Variants in GYPE observed in about 807,000 individuals in gnomAD.
GYPE encodes the protein glycophorin-E.
A neutral mutation model predicts 11.6 loss-of-function variants in GYPE; 8 were observed. That is an observed-to-expected ratio of 0.69 (90% CI 0.41 to 1.25). The LOEUF is 1.25. GYPE is among the 50% of genes most tolerant of loss of function. GYPE has a pLI of 0.01. For missense variants in GYPE, 90 were observed against 92.8 expected (o/e 0.97, Z 0.12); for synonymous variants, 28 against 29.6 (o/e 0.94, Z 0.18).
In GYPE at chr4:143,898,021, T is replaced by G. The variant is rs189248410; in HGVS notation, c.37+7450A>C. Among the ~76,000 whole-genome samples, 179 of 151,506 alleles carry G rather than the reference T, an allele frequency of 1.2e-3. 1 individual carries two copies. The highest frequency in any genetic ancestry group is 4.2e-3 in the African/African-American group (172 of 41,306). On this transcript the variant is annotated intron_variant, in intron 1 of 3. Transcript: ENST00000358615. ...AAGATGCTAAATGTCAGTTGTGAAT[T>G]AATGAATTCATATGGATTATGGTTT...
chr4:143,876,674 A>C, intron 3 of GYPE, 72 bp downstream of exon 3: 1 of 756,158 alleles, frequency 1.3e-6, no homozygotes, highest in Non-Finnish European at 2.4e-6. Flanking sequence ...GTTTAACTGA[A>C]CTCAGAGGAA....
intron 1 of GYPE, among the ~76,000 whole-genome samples, chr4:143,881,973 A>G (rs1490773626): frequency 6.6e-6 from 1 of 152,142 alleles, no homozygotes; most frequent in Admixed American, 6.5e-5. Flanking sequence ...TAGTCTACTC[A>G]AGGAAAGAGT....
intron 2 of GYPE, 116 bp from the exon 3 acceptor site, chr4:143,876,971 A>G: frequency 1.4e-6 from 1 of 697,170 alleles, no homozygotes; most frequent in Non-Finnish European, 2.7e-6. Flanking sequence ...TAGAAAGTAC[A>G]ATTAATATAC....
chr4:143,873,066 A>T (rs1473506670), intron 3 of GYPE, among the ~76,000 whole-genome samples: 1 of 152,208 alleles, frequency 6.6e-6, no homozygotes, highest in Non-Finnish European at 1.5e-5. Context: ...ATAAAAAACA[A>T]GAGTAGAGAC....
chr4:143,881,002 T>C (rs1578957966), intron 1 of GYPE, among the ~76,000 whole-genome samples: 1 of 152,306 alleles, frequency 6.6e-6, no homozygotes, highest in South Asian at 2.1e-4. Context: ...ATAATAATTA[T>C]ATAGAACAAA....
At chr4:143,904,356 T>A (rs896351559) in intron 1 of GYPE, among the ~76,000 whole-genome samples, 10 of 152,308 alleles carry the variant, frequency 6.6e-5, no homozygotes, top group African/African-American at 2.4e-4. Flanking sequence ...TGTTTAATCT[T>A]TACGCAATTA....
At chr4:143,881,932 A>G (rs1744035778) in intron 1 of GYPE, among the ~76,000 whole-genome samples, 2 of 152,168 alleles carry the variant, frequency 1.3e-5, no homozygotes, top group Admixed American at 1.3e-4. Context: ...GCACACAAAC[A>G]ACAGAAAACA....
intron 1 of GYPE, among the ~76,000 whole-genome samples, chr4:143,884,020 C>T (rs979516786): frequency 3.9e-5 from 6 of 151,954 alleles, no homozygotes; most frequent in Admixed American, 6.6e-5. Context: ...GAGGGTGCTG[C>T]AATTTTCTTT....
chr4:143,873,598 G>T (rs1392943935), intron 3 of GYPE: 1 of 378,452 alleles, frequency 2.6e-6, no homozygotes, highest in Non-Finnish European at 5.2e-6. Flanking sequence ...CCATCTGGAA[G>T]AGACCCAGAT....
chr4:143,875,631 T>C (rs1743767233), intron 3 of GYPE: 3 of 1,474,414 alleles, frequency 2.0e-6, no homozygotes, highest in Non-Finnish European at 2.8e-6. Context: ...TGGAGGCTTC[T>C]AAAGGGTACC....
In GYPE at chr4:143,905,358, A is replaced by G. The variant is rs1745018387; in HGVS notation, c.37+113T>C. ...TCCATCCACCAGACTGGAAGAGGAA[A>G]TACTACTCATTTATGCATTTAAATA... On this transcript the variant is annotated intron_variant, in intron 1 of 3. Transcript: ENST00000358615. 2.6e-6 allele frequency: 4 copies of G among 1,526,878 alleles called. No homozygotes were observed. The South Asian group carries it at 4.9e-5, about 19-fold the overall frequency. The allele number at this position is 1,526,878 out of a possible 1,614,324, so 94.6% of individuals were successfully genotyped here.
In GYPE at chr4:143,876,789, C is replaced by A. The variant is rs1743828170; in HGVS notation, c.203G>T (p.Gly68Val). The change falls in exon 3 of 4, where the codon GGA (glycine) becomes GTA (valine). Residue 68 changes from glycine (G) to valine (V), a missense_variant. By Grantham distance (109) the Gly-to-Val change is moderately radical. Transcript: ENST00000358615. Reference protein sequence around the residue: ...VIFEVMLVVVGMIILISYCIR With the variant: ...VIFEVMLVVVVMIILISYCIR The stretch of plus-strand genomic sequence containing the variant: ...ACAGTAAGAAATTAAGATGATCATT[C>A]CAACAACAACAAGCATCACCTCAAA... The A allele has an allele frequency of 3.7e-6, 6 of 1,608,970 alleles. No homozygotes were observed. In the African/African-American group the frequency reaches 4.0e-5, roughly 11 times the overall value.
At position 143,871,552 on chromosome 4, in the gene GYPE, A is replaced by T. The variant is rs977577908; in HGVS notation, c.*710T>A. ...GAGGAATGCAGAGGGAAAGCGATTC[A>T]CTGGAGTCTCTCGTCAGTGACCTGG... On this transcript the variant is annotated 3_prime_UTR_variant, in exon 4 of 4. Transcript: ENST00000358615. The T allele has an allele frequency of 1.3e-5, 2 of 152,160 alleles. No homozygotes were observed. The highest frequency in any genetic ancestry group is 2.9e-5 in the Non-Finnish European group (2 of 68,092). 9.4% of individuals were successfully genotyped at this position (152,160 alleles called of 1,614,324 possible). A position where few individuals can be genotyped will look rare whatever the true frequency, so the allele number is the denominator to read the frequency against.
At chr4:143,884,900 T>C (rs199640732) in intron 1 of GYPE, among the ~76,000 whole-genome samples, 513 of 101,478 alleles carry the variant, frequency 5.1e-3, no homozygotes, top group Middle Eastern at 0.022. Flanking sequence ...ATTTGGACTT[T>C]ATCTTTAAGG....
intron 1 of GYPE, among the ~76,000 whole-genome samples, chr4:143,882,867 C>A (rs1744092566): frequency 6.6e-6 from 1 of 152,114 alleles, no homozygotes; most frequent in Non-Finnish European, 1.5e-5. Context: ...CTTCCATATC[C>A]CATTATTTTG....
chr4:143,902,033 G>C (rs1029251249), intron 1 of GYPE, among the ~76,000 whole-genome samples: 1 of 152,034 alleles, frequency 6.6e-6, no homozygotes, highest in African/African-American at 2.4e-5. Context: ...GATGAAAAAT[G>C]ATTGTAGATA....
At chr4:143,904,723 G>A (rs1744996603) in intron 1 of GYPE, among the ~76,000 whole-genome samples, 2 of 152,132 alleles carry the variant, frequency 1.3e-5, no homozygotes. Context: ...CTGTGTGCTG[G>A]GCACTAGTAT....
At chr4:143,893,679 T>C (rs10024712) in intron 1 of GYPE, among the ~76,000 whole-genome samples, 141,258 of 152,196 alleles carry the variant, frequency 0.93, 66,503 homozygotes, top group East Asian at 1. Flanking sequence ...CCGAGAGATC[T>C]GCTCTTAGTC....
intron 1 of GYPE, among the ~76,000 whole-genome samples, chr4:143,881,422 A>G (rs945835548): frequency 6.6e-6 from 1 of 152,150 alleles, no homozygotes; most frequent in Non-Finnish European, 1.5e-5. Context: ...ACTACAAGAA[A>G]GCACAAAGAA....
Sources: gnomAD v4.1 joint callset for allele counts (sites outside exome capture counted in the v4.1 genomes callset) on GRCh38, gnomAD v4.1.1 for gene constraint, MANE v1.5 for transcripts, NCBI Gene and HGNC (gene_info 2026-07-23, HGNC 2026-07-21) for gene names.